FCMR: variants seen among roughly 807,000 people sequenced by gnomAD.
FCMR encodes Fc mu receptor, also known as immunoglobulin mu Fc receptor.
A neutral mutation model predicts 41.6 loss-of-function variants in FCMR; 34 were observed. The ratio of observed to expected loss-of-function variants is 0.82; its 90% CI spans 0.62 to 1.09. The LOEUF (loss-of-function observed/expected upper bound fraction) is 1.09, where lower values mean the gene tolerates loss of function less well. Ranked by LOEUF, FCMR falls within the 50% of genes least tolerant of loss-of-function variation. The probability of loss-of-function intolerance (pLI) is 0.00; values close to 1 mark genes in which losing one functional copy is unlikely to be tolerated. For missense variants in FCMR, 496 were observed against 512.5 expected, an observed-to-expected ratio of 0.97 and a Z score of 0.31; for synonymous variants, 209 against 211.8, an observed-to-expected ratio of 0.99 and a Z score of 0.12.
chr1:206,907,824 G>T lies in FCMR; in HGVS notation c.1044+1638C>A, dbSNP rs770343438. ...CGGATGAACACCAACCCTTCCCGAG[G>T]TCCCTACCACTTCCCGGCCCCCAGC... On this transcript the variant is annotated intron_variant, in intron 7 of 7. Transcript: ENST00000367091. 20 of 1,401,300 alleles carry T rather than the reference G, an allele frequency of 1.4e-5. 1 individual carries two copies. Among genetic ancestry groups the T allele is most frequent in the Non-Finnish European group, 1.7e-5 (17 of 989,360 alleles). 86.8% of individuals were successfully genotyped at this position (1,401,300 alleles called of 1,614,324 possible).
chr1:206,907,527 C>A (rs1018434369), intron 7 of FCMR: 2 of 465,504 alleles, frequency 4.3e-6, no homozygotes, highest in African/African-American at 4.0e-5. Flanking sequence ...AGGCTTCCAC[C>A]GTGTGGGCCC....
chr1:206,919,183 G>A (rs751486343), intron 1 of FCMR, among the ~76,000 whole-genome samples: 4 of 152,028 alleles, frequency 2.6e-5, no homozygotes, highest in Admixed American at 2.0e-4. Flanking sequence ...CCAAATAGCC[G>A]CCCATGGCCA....
intron 1 of FCMR, among the ~76,000 whole-genome samples, chr1:206,920,054 G>A (rs1053465711): frequency 6.6e-6 from 1 of 152,112 alleles, no homozygotes; most frequent in Non-Finnish European, 1.5e-5. Flanking sequence ...AATTAAGATG[G>A]ACACACATTG....
intron 7 of FCMR, among the ~76,000 whole-genome samples, chr1:206,906,729 G>A (rs1291343634): frequency 6.6e-6 from 1 of 151,848 alleles, no homozygotes; most frequent in Non-Finnish European, 1.5e-5. Flanking sequence ...AGAGAGGCAG[G>A]GTCAGCTTGG....
rs141225644 is a variant in FCMR at position 206,913,644 on chromosome 1, T to C, written c.373+115A>G. ...TATGGATCTCAATCATTATGTGGCTTATATGGCAACAGTGTAAGAGTCTAG... is the reference window on the plus strand; with the variant it reads ...TATGGATCTCAATCATTATGTGGCTCATATGGCAACAGTGTAAGAGTCTAG... On this transcript the variant is annotated intron_variant, in intron 2 of 7. Transcript: ENST00000367091. 227 of 784,494 alleles carry C rather than the reference T, an allele frequency of 2.9e-4. 2 individuals carry two copies. The African/African-American group carries it at 3.4e-3, about 12-fold the overall frequency. The allele number at this position is 784,494 out of a possible 1,614,324, so 48.6% of individuals were successfully genotyped here. A position where few individuals can be genotyped will look rare whatever the true frequency, so the allele number is the denominator to read the frequency against.
At position 206,913,082 on chromosome 1, in the gene FCMR, G is replaced by A. The variant is rs576182203; in HGVS notation, c.374-40C>T. The A allele has an allele frequency of 1.5e-5, 22 of 1,471,180 alleles. No individual in the cohort carries two copies. The African/African-American group carries it at 2.6e-4, about 18-fold the overall frequency. 91.1% of individuals were successfully genotyped at this position (1,471,180 alleles called of 1,614,324 possible). A position where few individuals can be genotyped will look rare whatever the true frequency, so the allele number is the denominator to read the frequency against. On this transcript the variant is annotated intron_variant, in intron 2 of 7. Transcript: ENST00000367091. ...AGGAATATGTTGGTGGTCTCTAGGG[G>A]GAGACTGAGGCTTGGGTGTAAACTG... is the stretch of plus-strand genomic sequence containing the variant.
intron 1 of FCMR, among the ~76,000 whole-genome samples, chr1:206,915,683 C>T (rs1030444623): frequency 2.0e-5 from 3 of 151,866 alleles, no homozygotes; most frequent in African/African-American, 2.4e-5. Context: ...GTGTGTGTGG[C>T]GAGGTGGGGC....
Position 206,915,392 on chromosome 1 carries a change from G to A in FCMR, c.38-1298C>T, listed in dbSNP as rs145604672. 1.9e-3 allele frequency among the ~76,000 whole-genome samples: 297 copies of A among 152,310 alleles called. 2 individuals are homozygous for A. The East Asian group carries it at 0.023, about 12-fold the overall frequency. ...TATGGAGTGCAACTGAGAGCGTGACGATGCTCATCATGGAGGCAGGGGACA... is the reference window on the plus strand; with the variant it reads ...TATGGAGTGCAACTGAGAGCGTGACAATGCTCATCATGGAGGCAGGGGACA... On this transcript the variant is annotated intron_variant, in intron 1 of 7. Transcript: ENST00000367091.
chr1:206,910,109 A>T (rs1678861980), intron 5 of FCMR, 101 bp downstream of exon 5: 2 of 1,354,154 alleles, frequency 1.5e-6, no homozygotes, highest in Non-Finnish European at 2.0e-6. Flanking sequence ...CAGGCTGCTC[A>T]TCAAAAGCTC....
At position 206,904,963 on chromosome 1, in the gene FCMR, T is replaced by C; in HGVS notation, c.*56A>G. On this transcript the variant is annotated 3_prime_UTR_variant, in exon 8 of 8. Transcript: ENST00000367091. ...CAGGTATTGGACATCAGCAGATAGA[T>C]GAGACTCCTTGGCACCACAGTCCGA... The C allele has an allele frequency of 4.4e-6, 7 of 1,595,476 alleles. No homozygotes were observed. Among genetic ancestry groups the C allele is most frequent in the South Asian group, 1.1e-5 (1 of 90,396 alleles).
In FCMR at chr1:206,905,152, G is replaced by A. The variant is rs1678570183; in HGVS notation, c.1045-5C>T. 4 of 1,613,820 alleles carry A rather than the reference G, an allele frequency of 2.5e-6. No homozygotes were observed. The highest frequency in any genetic ancestry group is 2.2e-5 in the East Asian group (1 of 44,878). ...GAGCCAGGGAGATTCAGACACCTGG[G>A]GACAATGAAAGAAGCATCACTGGAT... is the stretch of plus-strand genomic sequence containing the variant. On this transcript the variant is annotated splice_region_variant and splice_polypyrimidine_tract_variant and intron_variant, in intron 7 of 7. Transcript: ENST00000367091.
rs1467532114 is a variant in FCMR at position 206,903,641 on chromosome 1, C to T, written c.*1378G>A. ...ACGATAAAATGTGGATTAAAGTGCCCAGCACAAAGCAGATCCTCAATAAAC... is the reference window on the plus strand; with the variant it reads ...ACGATAAAATGTGGATTAAAGTGCCTAGCACAAAGCAGATCCTCAATAAAC... On this transcript the variant is annotated 3_prime_UTR_variant, in exon 8 of 8. Transcript: ENST00000367091. 1 of 152,548 alleles carries T rather than the reference C, an allele frequency of 6.6e-6. No individual in the cohort carries two copies. The highest frequency in any genetic ancestry group is 2.4e-5 in the African/African-American group (1 of 41,408). 9.4% of individuals were successfully genotyped at this position (152,548 alleles called of 1,614,324 possible).
chr1:206,915,669 T>TTG (rs1384153973), intron 1 of FCMR, among the ~76,000 whole-genome samples: 1 of 151,910 alleles, frequency 6.6e-6, no homozygotes, highest in East Asian at 1.9e-4. Flanking sequence ...TAGGGTAAAG[T>TTG]TGTGTGTGTG....
At chr1:206,921,953 G>A (rs1189325092), upstream of FCMR, 3 of 1,066,562 alleles carry the variant, frequency 2.8e-6, no homozygotes, top group Non-Finnish European at 4.3e-6. Context: ...GAACTGGAAA[G>A]AGATTTCTAG....
In FCMR at chr1:206,911,721, G is replaced by C; in HGVS notation, c.710+9C>G. 1 of 1,609,618 alleles carries C rather than the reference G, an allele frequency of 6.2e-7. No individual in the cohort carries two copies. Among genetic ancestry groups the C allele is most frequent in the Non-Finnish European group, 8.5e-7 (1 of 1,177,854 alleles). ...GCCTAACTCTAGATCCTGGACAGTG[G>C]TCTCTTACCTCTGCCTGTGCAGCCT... On this transcript the variant is annotated intron_variant, in intron 4 of 7. Coordinates refer to ENST00000367091, the MANE Select transcript of FCMR (RefSeq NM_005449.5).
chr1:206,908,353 G>A lies in FCMR; in HGVS notation c.1044+1109C>T. 7 of 592,152 alleles carry A rather than the reference G, an allele frequency of 1.2e-5. No individual in the cohort carries two copies. The South Asian group carries it at 1.2e-4, about 10-fold the overall frequency. 36.7% of individuals were successfully genotyped at this position (592,152 alleles called of 1,614,324 possible). A position where few individuals can be genotyped will look rare whatever the true frequency, so the allele number is the denominator to read the frequency against. On this transcript the variant is annotated intron_variant, in intron 7 of 7. Transcript: ENST00000367091. Reference sequence around the variant, plus strand: ...GTGCCACAGGCAGCCTGGGACATAGGAAGCTGGGAGCAAGGAAAGGGTCTT... The same window carrying A: ...GTGCCACAGGCAGCCTGGGACATAGAAAGCTGGGAGCAAGGAAAGGGTCTT...
At chr1:206,915,846 C>A (rs1250904204) in intron 1 of FCMR, among the ~76,000 whole-genome samples, 1 of 152,088 alleles carries the variant, frequency 6.6e-6, no homozygotes, top group African/African-American at 2.4e-5. Flanking sequence ...TTAAGAAGAG[C>A]ACTATCGAGT....
intron 7 of FCMR, among the ~76,000 whole-genome samples, chr1:206,907,237 T>C (rs183079453): frequency 2.0e-5 from 3 of 152,124 alleles, no homozygotes; most frequent in Non-Finnish European, 4.4e-5. Context: ...GAAGGGAGGT[T>C]CACTACATGG....
intron 7 of FCMR, chr1:206,907,560 T>A: frequency 1.8e-6 from 1 of 565,986 alleles, no homozygotes; most frequent in South Asian, 1.6e-5. Context: ...TCTGCTGCAT[T>A]AGCTTAGTCT....
Sources: allele counts gnomAD v4.1 joint callset (sites outside exome capture counted in the v4.1 genomes callset), GRCh38; gene constraint gnomAD v4.1.1; transcripts MANE v1.5; gene names NCBI Gene and HGNC (gene_info 2026-07-23, HGNC 2026-07-21).